The following TMC4 variants were observed in gnomAD, a reference collection of about 807,000 sequenced individuals.
TMC4 encodes voltage-gated chloride channel TMC4.
A neutral mutation model predicts 82.0 loss-of-function variants in TMC4; 70 were observed. The ratio of observed to expected loss-of-function variants is 0.85; its 90% CI spans 0.70 to 1.04. TMC4 has a LOEUF of 1.04. TMC4 is among the 50% of genes least tolerant of loss of function. TMC4 has a pLI of 0.00. For synonymous variants in TMC4, 446 were observed against 406.0 expected, an observed-to-expected ratio of 1.10 and a Z score of -1.18; for missense variants, 879 against 899.0, an observed-to-expected ratio of 0.98 and a Z score of 0.28.
chr19:54,169,360 A>T, intron 3 of TMC4, 152 bp downstream of exon 3: 1 of 1,018,838 alleles, frequency 9.8e-7, no homozygotes, highest in Non-Finnish European at 1.4e-6. Flanking sequence ...CAGACCCAAG[A>T]GTCCAGACCC....
chr19:54,168,156 G>C lies in TMC4; in HGVS notation c.797+15C>G. The C allele has an allele frequency of 6.3e-7, 1 of 1,597,982 alleles. No homozygotes were observed. Among genetic ancestry groups the C allele is most frequent in the Non-Finnish European group, 8.5e-7 (1 of 1,172,012 alleles). On this transcript the variant is annotated intron_variant, in intron 5 of 14. Transcript: ENST00000619895. The stretch of plus-strand genomic sequence containing the variant: ...ACCCGTCCCGTCAGGGGTCAGGGGT[G>C]CAGGTGCCACTGACCGATGCAGGAT...
chr19:54,167,290 G>A (rs1216711701), intron 5 of TMC4, among the ~76,000 whole-genome samples: 1 of 151,976 alleles, frequency 6.6e-6, no homozygotes, highest in Non-Finnish European at 1.5e-5. Context: ...GGGTGCGGTG[G>A]CTCACACCTG....
chr19:54,160,639 G>A (rs2075519782), intron 13 of TMC4, 94 bp from the exon 14 acceptor site: 1 of 1,575,250 alleles, frequency 6.3e-7, no homozygotes, highest in East Asian at 2.3e-5. Context: ...GGACGCCTAA[G>A]CCCCTCCTCG....
intron 9 of TMC4, 102 bp downstream of exon 9, chr19:54,162,930 AC>A (rs1196815460): frequency 6.3e-7 from 1 of 1,581,670 alleles, no homozygotes; most frequent in Non-Finnish European, 8.7e-7. Flanking sequence ...GTGTTCCAGC[AC>A]CCCAAGCTCC....
At chr19:54,172,600 A>G in intron 1 of TMC4, 1 of 285,112 alleles carries the variant, frequency 3.5e-6, no homozygotes, top group Non-Finnish European at 6.3e-6. Context: ...CCAGGAAACC[A>G]GGTTCCCAGC....
At chr19:54,164,322 C>T (rs1042474974) in intron 7 of TMC4, 112 bp downstream of exon 7, 106 of 1,352,432 alleles carry the variant, frequency 7.8e-5, no homozygotes, top group Admixed American at 1.7e-4. Context: ...CATACCCTCT[C>T]CCATACTTCC....
intron 13 of TMC4, 43 bp from the exon 14 acceptor site, chr19:54,160,588 C>T: frequency 1.2e-6 from 2 of 1,613,486 alleles, no homozygotes; most frequent in Non-Finnish European, 1.7e-6. Context: ...CACGCTCTTC[C>T]ATTATATCCA....
chr19:54,172,276 G>A (rs1469301051), intron 1 of TMC4, among the ~76,000 whole-genome samples, 193 bp from the exon 2 acceptor site: 1 of 4,572 alleles, frequency 2.2e-4, no homozygotes, highest in African/African-American at 1.2e-3. Context: ...CCAGGCCCCC[G>A]GCTCCTCCTC....
At chr19:54,166,885 G>A (rs1185869137) in intron 5 of TMC4, among the ~76,000 whole-genome samples, 2 of 152,040 alleles carry the variant, frequency 1.3e-5, no homozygotes, top group Non-Finnish European at 2.9e-5. Context: ...CCCGGGCGGC[G>A]GAGGTTGCAG....
chr19:54,168,862 CTTTTCTTTTCTTTTCT>C, intron 3 of TMC4, among the ~76,000 whole-genome samples, 182 bp from the exon 4 acceptor site: 1 of 34,238 alleles, frequency 2.9e-5, no homozygotes, highest in Non-Finnish European at 5.1e-5. Flanking sequence ...CTTTTCTTTT[CTTTTCTTTTCTTTTCT>C]TTTCTTTTCT....
At chr19:54,161,744 G>A (rs1390676844) in intron 11 of TMC4, among the ~76,000 whole-genome samples, 1 of 152,078 alleles carries the variant, frequency 6.6e-6, no homozygotes, top group African/African-American at 2.4e-5. Context: ...GTTTTGCCAT[G>A]TTAGCCAGGC....
Position 54,161,209 on chromosome 19 carries a change from C to G in TMC4, c.1738G>C (p.Ala580Pro), listed in dbSNP as rs773021061. The G allele has an allele frequency of 6.3e-7, 1 of 1,590,264 alleles. No individual in the cohort carries two copies. The highest frequency in any genetic ancestry group is 1.1e-5 in the South Asian group (1 of 88,082). ...ACCAAGGGGAAAAAGAAATTCGCCG[C>G]GGAGGCCCGGAAGGTGCGGGCAGCC... ...SPAARTFRAS[A>P]ANFFFPLVLL... Residue 580 changes from alanine (A) to proline (P), a missense_variant, in exon 12 of 15, where the codon GCG (alanine) becomes CCG (proline). Transcript: ENST00000619895.
In TMC4 at chr19:54,161,237, G is replaced by A. The variant is rs2075543247; in HGVS notation, c.1710C>T (p.Ser570=). Residue 570 remains serine, a synonymous_variant, in exon 12 of 15, where the codon TCC becomes TCT. Coordinates refer to ENST00000619895, the MANE Select transcript of TMC4 (RefSeq NM_144686.4). ...AGGCCCGGAAGGTGCGGGCAGCCGG[G>A]GAGCAGGTGGAGAAGAGGGTAAGCT... ...LKKLTLFSTC[S]PAARTFRASA... is the part of the protein sequence containing the mutation. The A allele has an allele frequency of 6.4e-7, 1 of 1,559,762 alleles. No individual in the cohort carries two copies. The highest frequency in any genetic ancestry group is 8.7e-7 in the Non-Finnish European group (1 of 1,154,240).
At chr19:54,162,811 G>C in intron 9 of TMC4, 41 bp from the exon 10 acceptor site, 1 of 1,588,084 alleles carries the variant, frequency 6.3e-7, no homozygotes, top group Non-Finnish European at 8.6e-7. Context: ...CTCGGGACCC[G>C]GGCACCTGGA....
At chr19:54,162,577 G>T in intron 10 of TMC4, 96 bp downstream of exon 10, 2 of 999,822 alleles carry the variant, frequency 2.0e-6, no homozygotes, top group East Asian at 2.5e-5. Flanking sequence ...AGGCAGAGGC[G>T]GGAATGGTAA....
chr19:54,163,108 C>G lies in TMC4; in HGVS notation c.1329G>C (p.Trp443Cys). 1 of 1,613,826 alleles carries G rather than the reference C, an allele frequency of 6.2e-7. No individual in the cohort carries two copies. The highest frequency in any genetic ancestry group is 8.5e-7 in the Non-Finnish European group (1 of 1,179,950). Residue 443 changes from tryptophan (W) to cysteine (C), a missense_variant, in exon 9 of 15, where the codon TGG becomes TGC. Physicochemically the swap from Trp to Cys is radical, Grantham distance 215. Transcript: ENST00000619895. ...ASLVVLLFSL[W>C]NQITCGGDSE... ...AGTCGCCCCCACAAGTGATCTGATT[C>G]CAGAGAGAGAAGAGCAGGACCACCA...
Position 54,163,812 on chromosome 19 carries a change from C to T in TMC4, c.1189G>A (p.Val397Ile), listed in dbSNP as rs145048832. The change falls in exon 8 of 15, where the codon GTC becomes ATC. Residue 397 changes from valine (V) to isoleucine (I), a missense_variant. By Grantham distance (29) the Val-to-Ile change is conservative. Coordinates refer to ENST00000619895, the MANE Select transcript of TMC4 (RefSeq NM_144686.4). ...NYLPSIFIAG[V>I]NFVLPPVFKL... is the part of the protein sequence containing the mutation. The stretch of plus-strand genomic sequence containing the variant: ...AACACGGGCGGCAGCACAAAATTGA[C>T]CCCAGCGATGAAGATGGACGGAAGG... 1 of 1,613,958 alleles carries T rather than the reference C, an allele frequency of 6.2e-7. No homozygotes were observed. The highest frequency in any genetic ancestry group is 8.5e-7 in the Non-Finnish European group (1 of 1,180,002).
In TMC4 at chr19:54,162,300, G is replaced by GGGGCC; in HGVS notation, c.1503-20_1503-16dup. The GGGGCC allele has an allele frequency of 1.3e-6, 2 of 1,517,814 alleles. No individual in the cohort carries two copies. The highest frequency in any genetic ancestry group is 8.8e-7 in the Non-Finnish European group (1 of 1,135,648). The allele number at this position is 1,517,814 out of a possible 1,614,324, so 94.0% of individuals were successfully genotyped here. A position where few individuals can be genotyped will look rare whatever the true frequency, so the allele number is the denominator to read the frequency against. Reference sequence around the variant, plus strand: ...CACAGAGGAGCCTGAAGGACGGGGCGGGGCCGGGCCGGAGTCAGGGGAGTG... The same window carrying GGGGCC: ...CACAGAGGAGCCTGAAGGACGGGGCGGGGCCGGGCCGGGCCGGAGTCAGGGGAGTG... On this transcript the variant is annotated splice_polypyrimidine_tract_variant and intron_variant, in intron 10 of 14. Transcript: ENST00000619895.
At position 54,161,274 on chromosome 19, in the gene TMC4, G is replaced by C; in HGVS notation, c.1687-14C>G. ...GAAGAGGGTAAGCTGGTGGGGGAAG[G>C]CACGGAGAAAAGGGCTCTGAAACAC... On this transcript the variant is annotated splice_polypyrimidine_tract_variant and intron_variant, in intron 11 of 14. Transcript: ENST00000619895. 1 of 1,504,614 alleles carries C rather than the reference G, an allele frequency of 6.6e-7. No individual in the cohort carries two copies. Among genetic ancestry groups the C allele is most frequent in the Non-Finnish European group, 8.9e-7 (1 of 1,127,270 alleles). The allele number at this position is 1,504,614 out of a possible 1,614,324, so 93.2% of individuals were successfully genotyped here. A position where few individuals can be genotyped will look rare whatever the true frequency, so the allele number is the denominator to read the frequency against.
Sources: allele counts gnomAD v4.1 joint callset (sites outside exome capture counted in the v4.1 genomes callset), GRCh38; gene constraint gnomAD v4.1.1; transcripts MANE v1.5; gene names NCBI Gene and HGNC (gene_info 2026-07-23, HGNC 2026-07-21).